Variants in MYO1B observed in about 807,000 individuals in gnomAD.
MYO1B encodes the protein myosin IB.
Under a neutral mutation model 159.7 loss-of-function variants are expected in MYO1B, and 72 were observed. The observed-to-expected ratio is 0.45, with a 90% CI of 0.37 to 0.55. The LOEUF (loss-of-function observed/expected upper bound fraction) is 0.55, where lower values mean the gene tolerates loss of function less well. MYO1B is among the 20% of genes least tolerant of loss of function. The pLI is 0.00. For synonymous variants in MYO1B, 468 were observed against 473.8 expected, an observed-to-expected ratio of 0.99 and a Z score of 0.16; for missense variants, 1,062 against 1,364.8, an observed-to-expected ratio of 0.78 and a Z score of 3.50.
chr2:191,412,117 T>A (rs1697284631), intron 27 of MYO1B, among the ~76,000 whole-genome samples: 1 of 152,248 alleles, frequency 6.6e-6, no homozygotes, highest in Admixed American at 6.5e-5. Context: ...CTTCATTGGT[T>A]AGCTGATGTG....
intron 21 of MYO1B, among the ~76,000 whole-genome samples, 173 bp from the exon 22 acceptor site, chr2:191,400,209 T>G (rs1456417132): frequency 1.3e-5 from 2 of 152,214 alleles, no homozygotes; most frequent in African/African-American, 4.8e-5. Flanking sequence ...ATGTCTTCAT[T>G]GTCCACCTTC....
At chr2:191,413,574 CT>C (rs1285402494) in intron 27 of MYO1B, among the ~76,000 whole-genome samples, 4 of 152,148 alleles carry the variant, frequency 2.6e-5, no homozygotes, top group African/African-American at 4.8e-5. Context: ...TATTGATTTT[CT>C]TATTCTCTGC....
chr2:191,247,979 C>G, intron 1 of MYO1B: 1 of 985,438 alleles, frequency 1.0e-6, no homozygotes, highest in Non-Finnish European at 1.2e-6. Flanking sequence ...GGAGGAACGT[C>G]TGACATCATG....
chr2:191,423,998 T>C lies in MYO1B; in HGVS notation c.*38T>C. ...CTCTACTTTCATGGACTTGTTCCTTTGTAATAGTGCAATTTGGTTTTGTTT... is the reference window on the plus strand; with the variant it reads ...CTCTACTTTCATGGACTTGTTCCTTCGTAATAGTGCAATTTGGTTTTGTTT... On this transcript the variant is annotated 3_prime_UTR_variant, in exon 31 of 31. Transcript: ENST00000392318. The C allele has an allele frequency of 6.3e-7, 1 of 1,594,608 alleles. No homozygotes were observed. The highest frequency in any genetic ancestry group is 1.3e-5 in the African/African-American group (1 of 74,118).
At chr2:191,250,488 T>A (rs1686043808) in intron 1 of MYO1B, among the ~76,000 whole-genome samples, 1 of 152,224 alleles carries the variant, frequency 6.6e-6, no homozygotes, top group Non-Finnish European at 1.5e-5. Flanking sequence ...TTCCTCATCC[T>A]GTGTTCAATG....
intron 7 of MYO1B, among the ~76,000 whole-genome samples, chr2:191,356,260 A>T (rs185805799): frequency 4.0e-5 from 6 of 151,738 alleles, no homozygotes; most frequent in Admixed American, 3.9e-4. Context: ...TCTGTTTTTA[A>T]TCTGCCTTTT....
chr2:191,396,773 C>T (rs1168137816), intron 21 of MYO1B, among the ~76,000 whole-genome samples: 1 of 152,186 alleles, frequency 6.6e-6, no homozygotes, highest in Admixed American at 6.5e-5. Flanking sequence ...TATCCCTTTG[C>T]CCCGTGTTTT....
intron 22 of MYO1B, 126 bp from the exon 23 acceptor site, chr2:191,400,623 G>T (rs1234496301): frequency 1.5e-6 from 2 of 1,315,702 alleles, no homozygotes; most frequent in Non-Finnish European, 2.1e-6. Context: ...GTGGGGTGGT[G>T]GCACATGCTT....
chr2:191,268,002 G>A (rs1574299252), intron 1 of MYO1B, among the ~76,000 whole-genome samples: 1 of 152,186 alleles, frequency 6.6e-6, no homozygotes, highest in African/African-American at 2.4e-5. Flanking sequence ...AGAGCCCTGT[G>A]TGTCAGCCAC....
chr2:191,358,100 A>G (rs1195550622), intron 7 of MYO1B, among the ~76,000 whole-genome samples: 4 of 152,074 alleles, frequency 2.6e-5, no homozygotes, highest in Non-Finnish European at 5.9e-5. Flanking sequence ...GTTTAAGGAC[A>G]TTGCTTTTTT....
intron 1 of MYO1B, among the ~76,000 whole-genome samples, chr2:191,251,192 A>G (rs1440512250): frequency 2.0e-5 from 3 of 152,294 alleles, no homozygotes; most frequent in South Asian, 2.1e-4. Context: ...CCATGCCTTT[A>G]TCTTCAGGAA....
At chr2:191,343,489 G>A (rs1457598231) in intron 5 of MYO1B, among the ~76,000 whole-genome samples, 1 of 152,100 alleles carries the variant, frequency 6.6e-6, no homozygotes, top group Non-Finnish European at 1.5e-5. Context: ...AGAAATGAAG[G>A]CAAATCATCT....
intron 3 of MYO1B, among the ~76,000 whole-genome samples, chr2:191,322,181 T>C (rs758506908): frequency 6.6e-6 from 1 of 152,164 alleles, no homozygotes; most frequent in Non-Finnish European, 1.5e-5. Context: ...GTTTCATGCC[T>C]AGGGCATTTC....
At chr2:191,318,154 G>A (rs1162750369) in intron 3 of MYO1B, among the ~76,000 whole-genome samples, 5 of 152,266 alleles carry the variant, frequency 3.3e-5, no homozygotes, top group Middle Eastern at 3.4e-3. Flanking sequence ...TTACAAGGCT[G>A]TAATAGATGT....
chr2:191,304,913 G>A (rs373956662), intron 3 of MYO1B, among the ~76,000 whole-genome samples: 2 of 151,994 alleles, frequency 1.3e-5, no homozygotes, highest in Non-Finnish European at 2.9e-5. Context: ...TGTTCACACC[G>A]GCATACACGA....
At chr2:191,392,528 A>G (rs73984124) in intron 19 of MYO1B, among the ~76,000 whole-genome samples, 2,397 of 152,336 alleles carry the variant, frequency 0.016, 64 homozygotes, top group African/African-American at 0.054. Context: ...TGAATTATAC[A>G]TTAATTTTAA....
intron 2 of MYO1B, among the ~76,000 whole-genome samples, chr2:191,288,238 TAGCTTA>T (rs1688495963): frequency 4.2e-5 from 2 of 47,762 alleles, no homozygotes; most frequent in South Asian, 1.5e-3. Flanking sequence ...GAAGATAGCT[TAGCTTA>T]AAAAAAAAAA....
intron 3 of MYO1B, among the ~76,000 whole-genome samples, chr2:191,328,058 T>C (rs1165603777): frequency 6.6e-6 from 1 of 152,222 alleles, no homozygotes; most frequent in African/African-American, 2.4e-5. Flanking sequence ...ACAGTATTTC[T>C]GGGTTCAAGT....
chr2:191,308,250 GAA>G (rs1689773808), intron 3 of MYO1B, among the ~76,000 whole-genome samples: 1 of 152,202 alleles, frequency 6.6e-6, no homozygotes. Context: ...CCTGTGTCAG[GAA>G]CCTGAGACAA....
Sources: gnomAD v4.1 joint callset for allele counts (sites outside exome capture counted in the v4.1 genomes callset) on GRCh38, gnomAD v4.1.1 for gene constraint, MANE v1.5 for transcripts, NCBI Gene and HGNC (gene_info 2026-07-23, HGNC 2026-07-21) for gene names.